Variants in RB1 observed in about 807,000 individuals in gnomAD.
RB1 encodes RB transcriptional corepressor 1.
A neutral mutation model predicts 135.4 loss-of-function variants in RB1; 18 were observed. That is an observed-to-expected ratio of 0.13 (90% confidence interval 0.09 to 0.20). The LOEUF (loss-of-function observed/expected upper bound fraction) is 0.20, where lower values mean the gene tolerates loss of function less well. RB1 is among the 10% of genes least tolerant of loss of function. The pLI is 1.00. For synonymous variants in RB1, 365 were observed against 373.2 expected, an observed-to-expected ratio of 0.98 and a Z score of 0.25; for missense variants, 868 against 1,110.0, an observed-to-expected ratio of 0.78 and a Z score of 3.10.
intron 2 of RB1, among the ~76,000 whole-genome samples, chr13:48,310,896 G>C (rs1566176235): frequency 6.6e-6 from 1 of 152,010 alleles, no homozygotes; most frequent in African/African-American, 2.4e-5. Flanking sequence ...GATTAGCTTT[G>C]TTCATAAGGT....
chr13:48,323,013 A>G (rs574919232), intron 2 of RB1, among the ~76,000 whole-genome samples: 4 of 152,024 alleles, frequency 2.6e-5, no homozygotes, highest in Non-Finnish European at 2.9e-5. Flanking sequence ...TTTAGTATCA[A>G]GATAATACTG....
chr13:48,416,535 G>C (rs1273769789), intron 17 of RB1: 1 of 152,618 alleles, frequency 6.6e-6, no homozygotes, highest in Admixed American at 6.5e-5. Flanking sequence ...CTAGCTGCAG[G>C]ATTTTTTCTT....
intron 2 of RB1, among the ~76,000 whole-genome samples, chr13:48,327,127 T>G (rs1952293952): frequency 6.6e-6 from 1 of 152,126 alleles, no homozygotes; most frequent in African/African-American, 2.4e-5. Context: ...TTTAAATCCT[T>G]GGACAAAGTT....
intron 17 of RB1, among the ~76,000 whole-genome samples, chr13:48,382,991 G>A (rs545965080): frequency 2.6e-5 from 4 of 152,230 alleles, no homozygotes; most frequent in African/African-American, 7.2e-5. Context: ...GTTTGTCAAA[G>A]ATCAGATGGT....
chr13:48,446,649 G>A (rs1949290121), intron 17 of RB1, among the ~76,000 whole-genome samples: 1 of 152,134 alleles, frequency 6.6e-6, no homozygotes, highest in Non-Finnish European at 1.5e-5. Flanking sequence ...GTGAATAATG[G>A]AGTGGGGTGA....
intron 23 of RB1, among the ~76,000 whole-genome samples, chr13:48,472,242 A>C (rs2138353071): frequency 6.6e-6 from 1 of 152,272 alleles, no homozygotes; most frequent in East Asian, 1.9e-4. Flanking sequence ...TTCAGAAAAT[A>C]TTTGCATGGT....
At chr13:48,356,122 A>G (rs781133723) in intron 6 of RB1, among the ~76,000 whole-genome samples, 3 of 152,114 alleles carry the variant, frequency 2.0e-5, no homozygotes, top group Admixed American at 6.6e-5. Flanking sequence ...CCCATTCTGC[A>G]TAATGTGCTT....
rs4151614 is a variant in RB1, at chr13:48,474,180, G to T, written c.2520+790G>T. 1.7e-3 allele frequency among the ~76,000 whole-genome samples: 261 copies of T among 152,162 alleles called. 2 individuals are homozygous for T. Among genetic ancestry groups the T allele is most frequent in the African/African-American group, 5.5e-3 (229 of 41,508 alleles). ...GATCTCCCAACCTTATTGTTGAGGG[G>T]TTTTTATGGGGGTTTCATTATATAG... On this transcript the variant is annotated intron_variant, in intron 24 of 26. Coordinates refer to ENST00000267163, the MANE Select transcript of RB1 (RefSeq NM_000321.3).
intron 24 of RB1, among the ~76,000 whole-genome samples, chr13:48,476,139 A>G (rs370746185): frequency 6.6e-6 from 1 of 152,224 alleles, no homozygotes; most frequent in East Asian, 1.9e-4. Flanking sequence ...AAAATAAAGT[A>G]TAATTGGCAA....
intron 17 of RB1, chr13:48,412,018 C>T: frequency 6.2e-7 from 1 of 1,612,586 alleles, no homozygotes; most frequent in Non-Finnish European, 8.5e-7. Context: ...CCAGTGCAAA[C>T]AATCTTTGCA....
chr13:48,316,353 G>A (rs925554910), intron 2 of RB1, among the ~76,000 whole-genome samples: 9 of 152,186 alleles, frequency 5.9e-5, no homozygotes, highest in South Asian at 2.1e-4. Context: ...AGCGATTCCC[G>A]GGGAGGGCAG....
chr13:48,457,014 A>C (rs1203610637), intron 19 of RB1, among the ~76,000 whole-genome samples: 1 of 152,204 alleles, frequency 6.6e-6, no homozygotes, highest in African/African-American at 2.4e-5. Context: ...AGCAAGGGGC[A>C]TGTTTCAGCC....
intron 17 of RB1, among the ~76,000 whole-genome samples, chr13:48,402,987 C>A (rs906692022): frequency 3.3e-5 from 5 of 151,832 alleles, no homozygotes; most frequent in African/African-American, 9.7e-5. Context: ...AACCTTTTTA[C>A]CTTTTTTATA....
At chr13:48,451,774 A>G (rs1949328626) in intron 17 of RB1, among the ~76,000 whole-genome samples, 1 of 147,008 alleles carries the variant, frequency 6.8e-6, no homozygotes, top group African/African-American at 2.5e-5. Flanking sequence ...GCTATTTATT[A>G]CTGCCTCAAT....
chr13:48,328,428 G>C lies in RB1; in HGVS notation c.265-14171G>C, dbSNP rs1375357770. ...AAAGTTGGAGATCTTTGCAGGCTTTGTTGGAGGTCTGCAGCTTCTTCTTCA... is the reference window on the plus strand; with the variant it reads ...AAAGTTGGAGATCTTTGCAGGCTTTCTTGGAGGTCTGCAGCTTCTTCTTCA... On this transcript the variant is annotated intron_variant, in intron 2 of 26. Coordinates refer to ENST00000267163, the MANE Select transcript of RB1 (RefSeq NM_000321.3). 7.2e-6 allele frequency: 9 copies of C among 1,242,982 alleles called. No homozygotes were observed. In the South Asian group the frequency reaches 1.1e-4, roughly 15 times the overall value. 77.0% of individuals were successfully genotyped at this position (1,242,982 alleles called of 1,614,324 possible). A position where few individuals can be genotyped will look rare whatever the true frequency, so the allele number is the denominator to read the frequency against.
At chr13:48,381,630 C>T (rs1948537122) in intron 17 of RB1, among the ~76,000 whole-genome samples, 187 bp downstream of exon 17, 1 of 152,164 alleles carries the variant, frequency 6.6e-6, no homozygotes, top group African/African-American at 2.4e-5. Flanking sequence ...GCACCCTAAA[C>T]CATCTAATAC....
At chr13:48,423,278 T>C (rs919400557) in intron 17 of RB1, among the ~76,000 whole-genome samples, 2 of 152,208 alleles carry the variant, frequency 1.3e-5, no homozygotes, top group African/African-American at 4.8e-5. Flanking sequence ...TTTTTGTTTT[T>C]GTTTTTGTGT....
intron 2 of RB1, among the ~76,000 whole-genome samples, chr13:48,328,779 A>T (rs1384741852): frequency 2.0e-5 from 3 of 152,232 alleles, no homozygotes; most frequent in African/African-American, 4.8e-5. Flanking sequence ...CCTCTCTCAT[A>T]GGATTCAAAT....
intron 11 of RB1, among the ~76,000 whole-genome samples, chr13:48,371,170 G>A (rs1291771244): frequency 6.6e-6 from 1 of 152,190 alleles, no homozygotes; most frequent in Non-Finnish European, 1.5e-5. Context: ...TGTAGCATGT[G>A]CATGATATAG....
Sources: gnomAD v4.1 joint callset for allele counts (sites outside exome capture counted in the v4.1 genomes callset) on GRCh38, gnomAD v4.1.1 for gene constraint, MANE v1.5 for transcripts, NCBI Gene and HGNC (gene_info 2026-07-23, HGNC 2026-07-21) for gene names.